Variants in INPP5F observed in about 807,000 individuals in gnomAD.
INPP5F encodes the protein phosphatidylinositide 4-phosphatase SAC2.
In INPP5F, 97 loss-of-function variants were observed where a neutral mutation model predicts 137.2. That is an observed-to-expected ratio of 0.71 (90% confidence interval 0.60 to 0.84). INPP5F has a LOEUF of 0.84. Among genes scored for constraint, INPP5F ranks in the 40% least tolerant of loss-of-function variants. The probability of loss-of-function intolerance (pLI) is 0.00; values close to 1 mark genes in which losing one functional copy is unlikely to be tolerated. For missense variants in INPP5F, 1,271 were observed against 1,371.9 expected, an observed-to-expected ratio of 0.93 and a Z score of 1.16; for synonymous variants, 504 against 476.9, an observed-to-expected ratio of 1.06 and a Z score of -0.74.
Position 119,805,538 on chromosome 10 carries a change from C to T in INPP5F, c.1319+77C>T, listed in dbSNP as rs541359563. 2.4e-4 allele frequency: 240 copies of T among 982,702 alleles called. No homozygotes were observed. In the Middle Eastern group the frequency reaches 3.0e-3, roughly 12 times the overall value. The allele number at this position is 982,702 out of a possible 1,614,324, so 60.9% of individuals were successfully genotyped here. ...GTACCACTGAGCATTAAACTGATAGCAGCATGCAGAGACAGCATTTTTTTT... is the reference window on the plus strand; with the variant it reads ...GTACCACTGAGCATTAAACTGATAGTAGCATGCAGAGACAGCATTTTTTTT... On this transcript the variant is annotated intron_variant, in intron 11 of 19. Coordinates refer to ENST00000650623, the MANE Select transcript of INPP5F (RefSeq NM_014937.4).
chr10:119,783,935 TC>T (rs1849789868), intron 3 of INPP5F, among the ~76,000 whole-genome samples: 1 of 152,210 alleles, frequency 6.6e-6, no homozygotes, highest in East Asian at 1.9e-4. Context: ...TATTTCCAGG[TC>T]CTATCTCAGT....
In INPP5F at chr10:119,798,543, G is replaced by A. The variant is rs1330288641; in HGVS notation, c.1049G>A (p.Ser350Asn). Residue 350 changes from serine to asparagine, a missense_variant and splice_region_variant, in exon 9 of 20, where the codon AGT (serine) becomes AAT (asparagine). Ser to Asn is a conservative substitution (Grantham distance 46). This residue lies in a region of INPP5F where 593 missense variants were observed against 712.4 expected (regional missense o/e 0.83). Coordinates refer to ENST00000650623, the MANE Select transcript of INPP5F (RefSeq NM_014937.4). ...RYNPRPRLDR[S>N]EKETVAYFCA... ...AAGATTTTGTATCACTTCTTTGTAG[G>A]TGAAAAGGAAACTGTTGCCTATTTC... is the stretch of plus-strand genomic sequence containing the variant. 5.6e-6 allele frequency: 9 copies of A among 1,608,794 alleles called. No individual in the cohort carries two copies. Among genetic ancestry groups the A allele is most frequent in the African/African-American group, 2.7e-5 (2 of 74,738 alleles).
chr10:119,812,610 G>C lies in INPP5F; in HGVS notation c.1886+655G>C, dbSNP rs538850517. Among the ~76,000 whole-genome samples, 4 of 152,090 alleles carry C rather than the reference G, an allele frequency of 2.6e-5. No homozygotes were observed. The South Asian group carries it at 8.3e-4, about 32-fold the overall frequency. On this transcript the variant is annotated intron_variant, in intron 15 of 19. Coordinates refer to ENST00000650623, the MANE Select transcript of INPP5F (RefSeq NM_014937.4). ...TACGTTTTGTGTGTTTTTAGTAAGA[G>C]GGGCATAAAATGTGCTTGAAAGTAC... is the stretch of plus-strand genomic sequence containing the variant.
chr10:119,765,880 T>TATATAGAGAG (rs1428376432), intron 2 of INPP5F, among the ~76,000 whole-genome samples: 1 of 144,280 alleles, frequency 6.9e-6, no homozygotes, highest in African/African-American at 2.6e-5. Flanking sequence ...TATATATATA[T>TATATAGAGAG]AGAGAGAGAG....
chr10:119,814,016 A>AT (rs1232826354), intron 15 of INPP5F, among the ~76,000 whole-genome samples: 1 of 151,486 alleles, frequency 6.6e-6, no homozygotes, highest in African/African-American at 2.4e-5. Flanking sequence ...AATGCATCCT[A>AT]TTTTTCTTTA....
rs531957911 is a variant in INPP5F, at chr10:119,797,050, G to C, written c.868+137G>C. The C allele has an allele frequency of 9.9e-5, 83 of 838,684 alleles. No homozygotes were observed. In the African/African-American group the frequency reaches 1.4e-3, roughly 14 times the overall value. The allele number at this position is 838,684 out of a possible 1,614,324, so 52.0% of individuals were successfully genotyped here. The stretch of plus-strand genomic sequence containing the variant: ...AAAGTGCTTGGGGACTCTAAATACT[G>C]TGATGTAATTGGGGACAAATTTTTG... On this transcript the variant is annotated intron_variant, in intron 7 of 19. Transcript: ENST00000650623.
intron 2 of INPP5F, among the ~76,000 whole-genome samples, chr10:119,756,498 T>C (rs1848846064): frequency 6.6e-6 from 1 of 151,882 alleles, no homozygotes; most frequent in African/African-American, 2.4e-5. Context: ...TAGCTGGGTG[T>C]GGTGGCGGGC....
intron 9 of INPP5F, among the ~76,000 whole-genome samples, chr10:119,802,777 C>G (rs1005897588): frequency 1.3e-5 from 2 of 152,112 alleles, no homozygotes; most frequent in African/African-American, 4.8e-5. Flanking sequence ...CACTCTGTTG[C>G]TTCTGAAAAG....
intron 1 of INPP5F, among the ~76,000 whole-genome samples, chr10:119,747,921 A>G (rs541013846): frequency 1.3e-5 from 2 of 152,360 alleles, no homozygotes; most frequent in East Asian, 3.9e-4. Flanking sequence ...TTAAAAAACT[A>G]TAATGTCATG....
intron 2 of INPP5F, 66 bp downstream of exon 2, chr10:119,751,222 T>A: frequency 2.1e-6 from 2 of 930,742 alleles, no homozygotes; most frequent in African/African-American, 1.6e-5. Context: ...TTTTCCTCTT[T>A]GAGGATACAT....
chr10:119,776,205 A>G lies in INPP5F; in HGVS notation c.179-5430A>G, dbSNP rs968710890. Among the ~76,000 whole-genome samples, 4 of 152,326 alleles carry G rather than the reference A, an allele frequency of 2.6e-5. No homozygotes were observed. In the South Asian group the frequency reaches 8.3e-4, roughly 32 times the overall value. On this transcript the variant is annotated intron_variant, in intron 2 of 19. Transcript: ENST00000650623. ...TGAAAAAGGAAGGCTACTATTGACA[A>G]AGCTTTGTTTCTGTTACATTATATT...
chr10:119,824,513 G>A (rs1043331491), intron 19 of INPP5F, among the ~76,000 whole-genome samples: 1 of 152,190 alleles, frequency 6.6e-6, no homozygotes, highest in Non-Finnish European at 1.5e-5. Context: ...AGTGCCTCGT[G>A]CTGTGGGGAG....
intron 1 of INPP5F, among the ~76,000 whole-genome samples, chr10:119,743,119 A>G (rs1467928211): frequency 6.6e-6 from 1 of 152,258 alleles, no homozygotes; most frequent in Non-Finnish European, 1.5e-5. Context: ...TGTCTCAAAT[A>G]GACCAGATGA....
rs547698587 is a variant in INPP5F, at chr10:119,748,728, G to C, written c.98-2348G>C. 2.0e-5 allele frequency among the ~76,000 whole-genome samples: 3 copies of C among 152,174 alleles called. No homozygotes were observed. Among genetic ancestry groups the C allele is most frequent in the Non-Finnish European group, 2.9e-5 (2 of 68,038 alleles). ...GAATGGAGGAAGTGTGTGCTGATTG[G>C]TCCATGGGAGGCCACGGACGGCCTG... On this transcript the variant is annotated intron_variant, in intron 1 of 19. Coordinates refer to ENST00000650623, the MANE Select transcript of INPP5F (RefSeq NM_014937.4). The surrounding 1 kb of genome is among the most constrained non-coding windows in gnomAD (Gnocchi z 4.7).
At chr10:119,745,854 G>A (rs1396838483) in intron 1 of INPP5F, among the ~76,000 whole-genome samples, 3 of 151,738 alleles carry the variant, frequency 2.0e-5, no homozygotes, top group Admixed American at 1.3e-4. Context: ...ACAGGTATGC[G>A]CTACCATGCC....
At chr10:119,814,988 C>T (rs1851207544) in intron 15 of INPP5F, among the ~76,000 whole-genome samples, 1 of 152,110 alleles carries the variant, frequency 6.6e-6, no homozygotes. Flanking sequence ...GCCTCAGCCT[C>T]CTGAGTAGCT....
At chr10:119,820,592 C>G (rs1168762705) in intron 15 of INPP5F, among the ~76,000 whole-genome samples, 1 of 152,170 alleles carries the variant, frequency 6.6e-6, no homozygotes. Flanking sequence ...TCCTGAGGGA[C>G]TCCTTCCTCC....
At chr10:119,770,769 A>G (rs1849309672) in intron 2 of INPP5F, among the ~76,000 whole-genome samples, 1 of 152,144 alleles carries the variant, frequency 6.6e-6, no homozygotes, top group African/African-American at 2.4e-5. Context: ...CCAGACACCT[A>G]CATCTTTTCA....
At chr10:119,789,392 T>C (rs1471928933) in intron 3 of INPP5F, among the ~76,000 whole-genome samples, 1 of 152,184 alleles carries the variant, frequency 6.6e-6, no homozygotes, top group Non-Finnish European at 1.5e-5. Flanking sequence ...TAGCCAGCAG[T>C]TGCCAAGTGC....
Sources: gnomAD v4.1 joint callset for allele counts (sites outside exome capture counted in the v4.1 genomes callset) on GRCh38, gnomAD v4.1.1 for gene constraint, gnomAD v4.1.1 regional missense constraint, Gnocchi (gnomAD v3.1) non-coding constraint, MANE v1.5 for transcripts, NCBI Gene and HGNC (gene_info 2026-07-23, HGNC 2026-07-21) for gene names.